The following PDCD4 variants were observed in gnomAD, a reference collection of about 807,000 sequenced individuals.
PDCD4 encodes programmed cell death protein 4.
PDCD4 carries 56 observed loss-of-function variants against 54.0 expected under a neutral mutation model. That is an observed-to-expected ratio of 1.04 (90% CI 0.84 to 1.30). The LOEUF (loss-of-function observed/expected upper bound fraction) is 1.30, where lower values mean the gene tolerates loss of function less well. Among genes scored for constraint, PDCD4 ranks in the 50% most tolerant of loss-of-function variants. The pLI is 0.00. For missense variants in PDCD4, 584 were observed against 559.8 expected (o/e 1.04, Z -0.44); for synonymous variants, 186 against 194.8 (o/e 0.95, Z 0.37).
intron 6 of PDCD4, 135 bp from the exon 7 acceptor site, chr10:110,889,398 T>TA (rs372125525): frequency 2.6e-4 from 167 of 637,610 alleles, no homozygotes; most frequent in Middle Eastern, 4.4e-4. Flanking sequence ...GGTTTTTTTT[T>TA]AAAAAAAAAT....
At chr10:110,879,799 G>T (rs1845563668) in intron 2 of PDCD4, among the ~76,000 whole-genome samples, 1 of 152,128 alleles carries the variant, frequency 6.6e-6, no homozygotes, top group African/African-American at 2.4e-5. Flanking sequence ...TGAGACTAGT[G>T]AAATAATTTG....
chr10:110,885,031 A>G (rs534243503), intron 4 of PDCD4: 3 of 351,718 alleles, frequency 8.5e-6, no homozygotes, highest in Non-Finnish European at 1.5e-5. Flanking sequence ...CCAGGCCTCA[A>G]GTGAACCTCC....
chr10:110,888,007 A>G (rs1481056555), intron 6 of PDCD4, 121 bp downstream of exon 6: 1 of 599,456 alleles, frequency 1.7e-6, no homozygotes. Context: ...TTCCTACGAC[A>G]CCGAAATATT....
chr10:110,894,122 C>A lies in PDCD4; in HGVS notation c.1022C>A (p.Ser341Tyr). ...IDMLLKEYLL[S>Y]GDISEAEHCL... Reference sequence around the variant, plus strand: ...ATGCTGCTGAAAGAATATTTACTCTCTGGAGACATATCTGAAGCTGAACAT... The same window carrying A: ...ATGCTGCTGAAAGAATATTTACTCTATGGAGACATATCTGAAGCTGAACAT... Residue 341 changes from serine (S) to tyrosine (Y), a missense_variant, in exon 9 of 12, where the codon TCT becomes TAT. Coordinates refer to ENST00000280154, the MANE Select transcript of PDCD4 (RefSeq NM_014456.5). 2.5e-6 allele frequency: 4 copies of A among 1,606,720 alleles called. No homozygotes were observed. The highest frequency in any genetic ancestry group is 3.4e-6 in the Non-Finnish European group (4 of 1,173,556).
Position 110,876,074 on chromosome 10 carries a change from A to C in PDCD4, c.43+4A>C, listed in dbSNP as rs1845499368. 1 of 1,605,048 alleles carries C rather than the reference A, an allele frequency of 6.2e-7. No individual in the cohort carries two copies. Among genetic ancestry groups the C allele is most frequent in the African/African-American group, 1.3e-5 (1 of 74,210 alleles). On this transcript the variant is annotated splice_donor_region_variant and intron_variant, in intron 2 of 11. Transcript: ENST00000280154. Reference sequence around the variant, plus strand: ...ATACTGAATGTAAACCCTGCAGGTAAGTAAGGATATCCTTTTTTCTTTTTT... The same window carrying C: ...ATACTGAATGTAAACCCTGCAGGTACGTAAGGATATCCTTTTTTCTTTTTT...
At chr10:110,878,811 G>C (rs1845546377) in intron 2 of PDCD4, among the ~76,000 whole-genome samples, 1 of 152,152 alleles carries the variant, frequency 6.6e-6, no homozygotes, top group Non-Finnish European at 1.5e-5. Flanking sequence ...GACCACATAT[G>C]TAAAGTGCCT....
chr10:110,875,825 G>A (rs1488250747), intron 1 of PDCD4, 141 bp from the exon 2 acceptor site: 1 of 411,286 alleles, frequency 2.4e-6, no homozygotes, highest in African/African-American at 2.1e-5. Flanking sequence ...TGAAAGTAAA[G>A]TGAACTGTTT....
intron 8 of PDCD4, among the ~76,000 whole-genome samples, chr10:110,892,590 C>T (rs757138538): frequency 5.9e-5 from 9 of 152,228 alleles, no homozygotes; most frequent in South Asian, 2.1e-4. Flanking sequence ...AGTACAGTCA[C>T]GTGCCACATT....
chr10:110,890,713 C>T (rs1845742255), intron 8 of PDCD4, 43 bp downstream of exon 8: 6 of 1,242,624 alleles, frequency 4.8e-6, no homozygotes, highest in African/African-American at 4.4e-5. Context: ...ATATGTATTC[C>T]TCTGAGTGAA....
intron 3 of PDCD4, among the ~76,000 whole-genome samples, chr10:110,881,750 A>C (rs1267310951): frequency 5.3e-5 from 8 of 152,126 alleles, no homozygotes. Flanking sequence ...AGTAGATTTA[A>C]TTTTCTTGAG....
chr10:110,885,303 T>G lies in PDCD4; in HGVS notation c.492T>G (p.Phe164Leu), dbSNP rs1160752097. ...TTTTGCCTTTGGATGAAAGGGCATT[T>G]GAGAAGACTTTAACACCAATCATAC... ...TVVLPLDERA[F>L]EKTLTPIIQE... Residue 164 changes from phenylalanine (F) to leucine (L), a missense_variant, in exon 5 of 12, where the codon TTT (phenylalanine) becomes TTG (leucine). Physicochemically the swap from Phe to Leu is conservative, Grantham distance 22 (BLOSUM62 0). Coordinates refer to ENST00000280154, the MANE Select transcript of PDCD4 (RefSeq NM_014456.5). 14 of 1,602,562 alleles carry G rather than the reference T, an allele frequency of 8.7e-6. No homozygotes were observed. In the South Asian group the frequency reaches 9.9e-5, roughly 11 times the overall value.
chr10:110,874,537 A>G (rs1169565813), intron 1 of PDCD4, among the ~76,000 whole-genome samples: 1 of 151,922 alleles, frequency 6.6e-6, no homozygotes, highest in Non-Finnish European at 1.5e-5. Flanking sequence ...TTTTTTTCAT[A>G]TCTAAAGTTG....
intron 2 of PDCD4, among the ~76,000 whole-genome samples, chr10:110,876,282 T>C (rs760864124): frequency 9.2e-5 from 14 of 152,144 alleles, no homozygotes; most frequent in African/African-American, 3.1e-4. Flanking sequence ...TTTGTAGAGA[T>C]AGGATTTCAC....
chr10:110,873,010 T>G (rs1488541570), intron 1 of PDCD4, among the ~76,000 whole-genome samples: 3 of 152,234 alleles, frequency 2.0e-5, no homozygotes, highest in Admixed American at 6.5e-5. Flanking sequence ...TTCCCCTGTT[T>G]TTAACTTGTA....
chr10:110,874,065 A>C (rs1052918162), intron 1 of PDCD4, among the ~76,000 whole-genome samples: 1 of 152,234 alleles, frequency 6.6e-6, no homozygotes, highest in African/African-American at 2.4e-5. Flanking sequence ...TTGTGCAAAC[A>C]GTACTGGATT....
At chr10:110,889,185 G>A (rs1845716755) in intron 6 of PDCD4, among the ~76,000 whole-genome samples, 1 of 138,300 alleles carries the variant, frequency 7.2e-6, no homozygotes, top group Admixed American at 8.0e-5. Flanking sequence ...TCGTGCCACT[G>A]CACTCCAGCC....
chr10:110,886,475 G>A (rs1260612265), intron 5 of PDCD4, among the ~76,000 whole-genome samples: 1 of 152,148 alleles, frequency 6.6e-6, no homozygotes, highest in Admixed American at 6.5e-5. Context: ...TGCAGTCAGT[G>A]AGAAGAGATT....
chr10:110,883,598 G>C (rs965349411), intron 4 of PDCD4, among the ~76,000 whole-genome samples: 1 of 151,634 alleles, frequency 6.6e-6, no homozygotes, highest in African/African-American at 2.4e-5. Flanking sequence ...TCCTCTCTTA[G>C]CTTTACAAAC....
At chr10:110,874,719 G>A (rs1303476674) in intron 1 of PDCD4, among the ~76,000 whole-genome samples, 1 of 151,958 alleles carries the variant, frequency 6.6e-6, no homozygotes, top group Admixed American at 6.6e-5. Flanking sequence ...AGGTCCATTT[G>A]TTTTTGTTTC....
Sources: allele counts gnomAD v4.1 joint callset (sites outside exome capture counted in the v4.1 genomes callset), GRCh38; gene constraint gnomAD v4.1.1; transcripts MANE v1.5; gene names NCBI Gene and HGNC (gene_info 2026-07-23, HGNC 2026-07-21).